RPS6KC1: variants seen among roughly 807,000 people sequenced by gnomAD.
RPS6KC1 encodes the protein ribosomal protein S6 kinase C1, also known as inactive ribosomal protein S6 kinase delta-1.
In RPS6KC1, 54 loss-of-function variants were observed where a neutral mutation model predicts 103.8. The observed-to-expected ratio is 0.52, with a 90% CI of 0.42 to 0.65. The LOEUF (loss-of-function observed/expected upper bound fraction) is 0.65, where lower values mean the gene tolerates loss of function less well. Among genes scored for constraint, RPS6KC1 ranks in the 30% least tolerant of loss-of-function variants. The pLI is 0.00. For missense variants in RPS6KC1, 1,151 were observed against 1,253.8 expected (o/e 0.92, Z 1.24); for synonymous variants, 439 against 438.7 (o/e 1.00, Z -0.01).
the RPS6KC1 span, among the ~76,000 whole-genome samples, chr1:213,511,418 G>T: frequency 6.6e-6 from 1 of 152,186 alleles, no homozygotes; most frequent in Non-Finnish European, 1.5e-5. Context: ...TTTGCACGTG[G>T]TGTTGATGGT....
the RPS6KC1 span, among the ~76,000 whole-genome samples, chr1:213,682,953 T>G: frequency 6.6e-6 from 1 of 152,212 alleles, no homozygotes. Flanking sequence ...CTCCACACAC[T>G]TGTGTGTGTG....
chr1:213,340,565 A>G, the RPS6KC1 span, among the ~76,000 whole-genome samples: 4 of 152,258 alleles, frequency 2.6e-5, no homozygotes, highest in Non-Finnish European at 5.9e-5. Context: ...CATAAATACT[A>G]TAACCATTAA....
At chr1:213,403,798 C>G in the RPS6KC1 span, among the ~76,000 whole-genome samples, 1 of 151,780 alleles carries the variant, frequency 6.6e-6, no homozygotes, top group Non-Finnish European at 1.5e-5. Context: ...TTCTGACACA[C>G]ACCATCACAC....
chr1:213,148,631 T>C (rs1350892212), intron 6 of RPS6KC1, among the ~76,000 whole-genome samples: 1 of 152,160 alleles, frequency 6.6e-6, no homozygotes. Flanking sequence ...TATTGGTCTA[T>C]GGTTTTCTTT....
chr1:213,208,896 T>C (rs1458267421), intron 8 of RPS6KC1, among the ~76,000 whole-genome samples: 1 of 151,792 alleles, frequency 6.6e-6, no homozygotes, highest in African/African-American at 2.4e-5. Flanking sequence ...TGTCCTCCTG[T>C]TTTTAGGAGA....
At chr1:213,283,350 G>A in the RPS6KC1 span, among the ~76,000 whole-genome samples, 1 of 152,150 alleles carries the variant, frequency 6.6e-6, no homozygotes, top group African/African-American at 2.4e-5. Context: ...CAGAGCAACT[G>A]GATAGCAAAA....
chr1:213,441,095 G>T, the RPS6KC1 span, among the ~76,000 whole-genome samples: 6 of 152,262 alleles, frequency 3.9e-5, no homozygotes, highest in East Asian at 9.6e-4. Flanking sequence ...AACAGGGAGG[G>T]TTAAGGAATT....
chr1:213,193,546 G>A (rs2092827920), intron 8 of RPS6KC1, among the ~76,000 whole-genome samples: 2 of 152,224 alleles, frequency 1.3e-5, no homozygotes, highest in South Asian at 4.1e-4. Flanking sequence ...ACAGACGTGA[G>A]CCACCATGCC....
the RPS6KC1 span, among the ~76,000 whole-genome samples, chr1:213,691,217 C>T: frequency 7.2e-5 from 11 of 152,178 alleles, no homozygotes; most frequent in Admixed American, 2.0e-4. Context: ...CTAAAACTGG[C>T]GATCTCAGCT....
At chr1:213,767,318 G>A in the RPS6KC1 span, among the ~76,000 whole-genome samples, 1 of 152,176 alleles carries the variant, frequency 6.6e-6, no homozygotes, top group Non-Finnish European at 1.5e-5. Flanking sequence ...GGCTGGTGGT[G>A]TCTTCAGTAT....
At chr1:213,749,426 C>G in the RPS6KC1 span, among the ~76,000 whole-genome samples, 1 of 152,122 alleles carries the variant, frequency 6.6e-6, no homozygotes, top group African/African-American at 2.4e-5. Context: ...ATTGAGGGAA[C>G]AGGAACTCTA....
At chr1:213,797,244 A>G in the RPS6KC1 span, among the ~76,000 whole-genome samples, 1 of 152,244 alleles carries the variant, frequency 6.6e-6, no homozygotes, top group Admixed American at 6.5e-5. Context: ...CTCTCTTATA[A>G]TTTGAAGTAA....
the RPS6KC1 span, among the ~76,000 whole-genome samples, chr1:213,418,561 G>C: frequency 6.6e-6 from 1 of 152,048 alleles, no homozygotes; most frequent in African/African-American, 2.4e-5. Flanking sequence ...TCCTAATTTG[G>C]GTGAAGTTCG....
the RPS6KC1 span, among the ~76,000 whole-genome samples, chr1:213,792,107 C>A: frequency 6.6e-6 from 1 of 152,180 alleles, no homozygotes; most frequent in African/African-American, 2.4e-5. Flanking sequence ...CCCTCCCACC[C>A]TTTCCTCCTG....
the RPS6KC1 span, among the ~76,000 whole-genome samples, chr1:213,370,901 C>T: frequency 4.6e-5 from 7 of 152,150 alleles, no homozygotes; most frequent in Non-Finnish European, 1.0e-4. Flanking sequence ...TGCCCCATGA[C>T]CTGAAGCAGT....
the RPS6KC1 span, among the ~76,000 whole-genome samples, chr1:213,775,904 C>A: frequency 6.6e-6 from 1 of 152,162 alleles, no homozygotes; most frequent in Non-Finnish European, 1.5e-5. Flanking sequence ...TTATCATTTC[C>A]ACAATGTTCA....
the RPS6KC1 span, among the ~76,000 whole-genome samples, chr1:213,575,231 G>A: frequency 6.6e-6 from 1 of 152,116 alleles, no homozygotes; most frequent in Non-Finnish European, 1.5e-5. Flanking sequence ...GAAGCACATT[G>A]ATGTGTGCCT....
At chr1:213,305,874 C>T in the RPS6KC1 span, among the ~76,000 whole-genome samples, 3 of 152,202 alleles carry the variant, frequency 2.0e-5, no homozygotes, top group African/African-American at 7.2e-5. Context: ...TGACTTGACC[C>T]TGTAACTTCT....
At chr1:213,095,481 CAG>C (rs1343039468) in intron 3 of RPS6KC1, among the ~76,000 whole-genome samples, 1 of 152,140 alleles carries the variant, frequency 6.6e-6, no homozygotes, top group African/African-American at 2.4e-5. Flanking sequence ...ATAAATCAAA[CAG>C]AGAGGCTTTA....
Sources: allele counts gnomAD v4.1 joint callset (sites outside exome capture counted in the v4.1 genomes callset), GRCh38; gene constraint gnomAD v4.1.1; transcripts MANE v1.5; gene names NCBI Gene and HGNC (gene_info 2026-07-23, HGNC 2026-07-21).